The following ICA1 variants were observed in gnomAD, a reference collection of about 807,000 sequenced individuals.
ICA1 encodes islet cell autoantigen 1, also known as 69 kDa islet cell autoantigen.
A neutral mutation model predicts 71.0 loss-of-function variants in ICA1; 40 were observed. That is an observed-to-expected ratio of 0.56 (90% CI 0.44 to 0.73). The LOEUF is 0.73. Among genes scored for constraint, ICA1 ranks in the 30% least tolerant of loss-of-function variants. The pLI is 0.00. For synonymous variants in ICA1, 207 were observed against 209.5 expected (o/e 0.99, Z 0.10); for missense variants, 578 against 576.5 (o/e 1.00, Z -0.03).
At chr7:8,260,395 T>C (rs1431591168) in intron 1 of ICA1, among the ~76,000 whole-genome samples, 1 of 152,144 alleles carries the variant, frequency 6.6e-6, no homozygotes, top group Non-Finnish European at 1.5e-5. Context: ...GGAAAATAGT[T>C]ACAAAATAAA....
chr7:8,165,398 C>T (rs576948402), intron 6 of ICA1, among the ~76,000 whole-genome samples: 3 of 152,286 alleles, frequency 2.0e-5, no homozygotes, highest in Non-Finnish European at 2.9e-5. Flanking sequence ...TTTGGTCTCC[C>T]CTCAACGATA....
intron 6 of ICA1, among the ~76,000 whole-genome samples, chr7:8,210,266 G>T (rs1793193490): frequency 6.6e-6 from 1 of 152,172 alleles, no homozygotes; most frequent in South Asian, 2.1e-4. Flanking sequence ...CCTGCATGTG[G>T]AGACTGAATA....
intron 6 of ICA1, among the ~76,000 whole-genome samples, chr7:8,169,035 C>A (rs1807245018): frequency 6.6e-6 from 1 of 152,094 alleles, no homozygotes; most frequent in East Asian, 1.9e-4. Context: ...CCAGCTCCTG[C>A]CAACTACTAA....
At chr7:8,152,843 T>TATCACCATCACCATCACCTCC (rs1799910406) in intron 8 of ICA1, among the ~76,000 whole-genome samples, 1 of 69,202 alleles carries the variant, frequency 1.4e-5, no homozygotes, top group African/African-American at 6.3e-5. Context: ...CCCCCACCAC[T>TATCACCATCACCATCACCTCC]ACCACCATCA....
At chr7:8,146,453 G>T (rs897495076) in intron 8 of ICA1, among the ~76,000 whole-genome samples, 2 of 152,228 alleles carry the variant, frequency 1.3e-5, no homozygotes, top group African/African-American at 4.8e-5. Context: ...GTCAGCAGGG[G>T]TCACATGGGG....
intron 6 of ICA1, among the ~76,000 whole-genome samples, chr7:8,181,731 C>T (rs982452415): frequency 2.6e-5 from 4 of 152,084 alleles, no homozygotes; most frequent in Admixed American, 2.6e-4. Context: ...AGTTTTTAAA[C>T]GTGGCTCAGA....
chr7:8,190,312 G>A (rs1304222048), intron 6 of ICA1, among the ~76,000 whole-genome samples: 1 of 151,920 alleles, frequency 6.6e-6, no homozygotes, highest in African/African-American at 2.4e-5. Flanking sequence ...GAGGAGACAT[G>A]GCTGTAGTTT....
At position 8,226,923 on chromosome 7, in the gene ICA1, G is replaced by T. The variant is rs145095954; in HGVS notation, c.256+1678C>A. On this transcript the variant is annotated intron_variant, in intron 4 of 13. Transcript: ENST00000402384. This position sits in a 1 kb window ranked among gnomAD's most constrained non-coding sequence, Gnocchi z 4.4. Reference sequence around the variant, plus strand: ...TATTCTTTTAGAAACACTAATATACGTAGGAAGCATAATTTCTGTTTAGAG... The same window carrying T: ...TATTCTTTTAGAAACACTAATATACTTAGGAAGCATAATTTCTGTTTAGAG... 1.3e-5 allele frequency among the ~76,000 whole-genome samples: 2 copies of T among 152,210 alleles called. 1 individual carries two copies. The highest frequency in any genetic ancestry group is 2.9e-5 in the Non-Finnish European group (2 of 68,018).
intron 12 of ICA1, among the ~76,000 whole-genome samples, chr7:8,135,385 G>A (rs1022773844): frequency 6.6e-6 from 1 of 152,072 alleles, no homozygotes; most frequent in African/African-American, 2.4e-5. Context: ...CAGGCTACAG[G>A]ATGATCAGCT....
rs781255476 is a variant in ICA1 at position 8,155,304 on chromosome 7, G to GT, written c.804+1811dup. On this transcript the variant is annotated intron_variant, in intron 8 of 13. Transcript: ENST00000402384. ...AGATAGTCATCTGCCCAAAATATTT[G>GT]TAAGTATGTCCTGAACCACTGCTGT... Among the ~76,000 whole-genome samples, 6 of 152,316 alleles carry GT rather than the reference G, an allele frequency of 3.9e-5. No individual in the cohort carries two copies. The South Asian group carries it at 1.2e-3, about 32-fold the overall frequency.
At chr7:8,242,682 A>G (rs1417950159) in intron 1 of ICA1, among the ~76,000 whole-genome samples, 1 of 152,202 alleles carries the variant, frequency 6.6e-6, no homozygotes, top group Non-Finnish European at 1.5e-5. Context: ...ACTAATAAAG[A>G]AGAAAAGAGA....
At chr7:8,122,076 AGTTAGCCAG>A (rs763668517) in intron 13 of ICA1, among the ~76,000 whole-genome samples, 8 of 152,156 alleles carry the variant, frequency 5.3e-5, no homozygotes, top group Non-Finnish European at 1.0e-4. Flanking sequence ...AAGGATGAGA[AGTTAGCCAG>A]GTCAGACAAG....
rs778499855 is a variant in ICA1, at chr7:8,226,214, G to T, written c.256+2387C>A. On this transcript the variant is annotated intron_variant, in intron 4 of 13. Transcript: ENST00000402384. The surrounding 1 kb of genome is among the most constrained non-coding windows in gnomAD (Gnocchi z 4.4). ...ATCTCATAGCTCCCTCTTCACCTTTGCTCCTCCATTCTCATTCCCTCCTCT... is the reference window on the plus strand; with the variant it reads ...ATCTCATAGCTCCCTCTTCACCTTTTCTCCTCCATTCTCATTCCCTCCTCT... Among the ~76,000 whole-genome samples, 274 of 151,858 alleles carry T rather than the reference G, an allele frequency of 1.8e-3. 9 individuals are homozygous for T. Among genetic ancestry groups the T allele is most frequent in the Non-Finnish European group, 8.4e-4 (57 of 67,972 alleles).
chr7:8,172,133 T>C, intron 6 of ICA1, among the ~76,000 whole-genome samples: 1 of 152,070 alleles, frequency 6.6e-6, no homozygotes, highest in East Asian at 1.9e-4. Flanking sequence ...GACAGTCTTC[T>C]ATATCCTTAT....
chr7:8,240,898 A>G (rs1803605362), intron 1 of ICA1, among the ~76,000 whole-genome samples: 1 of 152,234 alleles, frequency 6.6e-6, no homozygotes. Flanking sequence ...AAAGCCTCCA[A>G]GAAATAAGGG....
chr7:8,246,837 C>A (rs951367804), intron 1 of ICA1, among the ~76,000 whole-genome samples: 10 of 152,204 alleles, frequency 6.6e-5, no homozygotes, highest in Non-Finnish European at 1.0e-4. Context: ...ACCTCTGCCT[C>A]CTGGGTTCAA....
rs1208920912 is a variant in ICA1, at chr7:8,144,744, G to T, written c.805-772C>A. Among the ~76,000 whole-genome samples, 2 of 151,988 alleles carry T rather than the reference G, an allele frequency of 1.3e-5. No homozygotes were observed. The highest frequency in any genetic ancestry group is 6.6e-5 in the Admixed American group (1 of 15,256). ...AACTGAATAATGATTTATACAAAAA[G>T]ATCTCTATTTCTGGCCCTAATTAAA... On this transcript the variant is annotated intron_variant, in intron 8 of 13. Coordinates refer to ENST00000402384, the MANE Select transcript of ICA1 (RefSeq NM_001136020.3). The surrounding 1 kb of genome is among the most constrained non-coding windows in gnomAD (Gnocchi z 4.5).
At chr7:8,257,158 C>T (rs1470836276) in intron 1 of ICA1, among the ~76,000 whole-genome samples, 1 of 152,220 alleles carries the variant, frequency 6.6e-6, no homozygotes, top group Non-Finnish European at 1.5e-5. Flanking sequence ...CAATATAGTG[C>T]TACTGTGCAC....
At chr7:8,219,995 G>T (rs966727651) in intron 5 of ICA1, among the ~76,000 whole-genome samples, 3 of 152,148 alleles carry the variant, frequency 2.0e-5, no homozygotes, top group Non-Finnish European at 2.9e-5. Context: ...TGCACAGAAA[G>T]TATCTATTAA....
Sources: gnomAD v4.1 joint callset for allele counts (sites outside exome capture counted in the v4.1 genomes callset) on GRCh38, gnomAD v4.1.1 for gene constraint, Gnocchi (gnomAD v3.1) non-coding constraint, MANE v1.5 for transcripts, NCBI Gene and HGNC (gene_info 2026-07-23, HGNC 2026-07-21) for gene names.